The following DENND1A variants were observed in gnomAD, a reference collection of about 807,000 sequenced individuals.
The protein encoded by DENND1A is DENN domain-containing protein 1A.
Under a neutral mutation model 113.7 loss-of-function variants are expected in DENND1A, and 51 were observed. That is an observed-to-expected ratio of 0.45 (90% confidence interval 0.36 to 0.57). The LOEUF is 0.57. Among genes scored for constraint, DENND1A ranks in the 20% least tolerant of loss-of-function variants. The pLI is 0.00. For synonymous variants in DENND1A, 565 were observed against 570.8 expected (o/e 0.99, Z 0.14); for missense variants, 1,258 against 1,395.9 (o/e 0.90, Z 1.57).
intron 2 of DENND1A, among the ~76,000 whole-genome samples, chr9:123,866,973 ATCTT>A (rs1845875830): frequency 6.6e-6 from 1 of 152,216 alleles, no homozygotes; most frequent in Non-Finnish European, 1.5e-5. Context: ...ATCTGCATCT[ATCTT>A]CTCCTCAAAT....
intron 3 of DENND1A, among the ~76,000 whole-genome samples, chr9:123,774,553 AT>A (rs1307805993): frequency 2.0e-5 from 3 of 151,830 alleles, no homozygotes; most frequent in Non-Finnish European, 2.9e-5. Flanking sequence ...CCAAATTTTT[AT>A]TTTTTTTCAG....
chr9:123,729,802 A>G (rs1264992314), intron 5 of DENND1A, among the ~76,000 whole-genome samples: 1 of 152,164 alleles, frequency 6.6e-6, no homozygotes, highest in East Asian at 1.9e-4. Flanking sequence ...CATAGCCAAG[A>G]CAATCCTAAG....
intron 9 of DENND1A, among the ~76,000 whole-genome samples, chr9:123,636,569 G>A (rs1014661694): frequency 6.6e-5 from 10 of 150,704 alleles, no homozygotes; most frequent in South Asian, 2.1e-4. Flanking sequence ...CGCCCTCCTC[G>A]GCCTCCCAAA....
chr9:123,745,476 T>G (rs977471563), intron 5 of DENND1A, among the ~76,000 whole-genome samples: 2 of 152,240 alleles, frequency 1.3e-5, no homozygotes, highest in African/African-American at 4.8e-5. Context: ...ATGCACAGCT[T>G]GCAGAAGCAG....
chr9:123,498,673 G>C (rs1301787075), intron 13 of DENND1A, among the ~76,000 whole-genome samples: 1 of 152,052 alleles, frequency 6.6e-6, no homozygotes, highest in African/African-American at 2.4e-5. Flanking sequence ...GGCAAGTGTA[G>C]TCCCTTATTA....
intron 21 of DENND1A, among the ~76,000 whole-genome samples, chr9:123,388,658 C>T (rs1335377523): frequency 6.6e-6 from 1 of 152,212 alleles, no homozygotes; most frequent in Non-Finnish European, 1.5e-5. Context: ...CCTTGTCAGC[C>T]ACCTGTGAGC....
chr9:123,857,936 G>A (rs1335446324), intron 2 of DENND1A, among the ~76,000 whole-genome samples: 3 of 152,040 alleles, frequency 2.0e-5, no homozygotes, highest in African/African-American at 7.2e-5. Context: ...GCGGACGCCT[G>A]TAGTCCCAGC....
chr9:123,457,460 C>T (rs1038073154), intron 14 of DENND1A, 25 bp from the exon 15 acceptor site: 1 of 1,567,360 alleles, frequency 6.4e-7, no homozygotes, highest in Non-Finnish European at 8.8e-7. Flanking sequence ...AACAAAAGCA[C>T]AACAGCTCGT....
intron 4 of DENND1A, among the ~76,000 whole-genome samples, chr9:123,760,179 T>C (rs894520746): frequency 2.6e-5 from 4 of 152,250 alleles, no homozygotes; most frequent in African/African-American, 9.6e-5. Context: ...TATTACTTTA[T>C]AAATTATCAG....
intron 19 of DENND1A, among the ~76,000 whole-genome samples, chr9:123,412,085 C>G (rs949918886): frequency 6.6e-5 from 10 of 152,252 alleles, no homozygotes; most frequent in African/African-American, 2.4e-4. Context: ...CCACCATGCT[C>G]CACACAGGCT....
At chr9:123,666,493 T>A (rs2063498508) in intron 8 of DENND1A, among the ~76,000 whole-genome samples, 1 of 152,152 alleles carries the variant, frequency 6.6e-6, no homozygotes, top group African/African-American at 2.4e-5. Flanking sequence ...TATACAAAGG[T>A]AAAAAGTAGA....
chr9:123,546,333 G>T (rs931077400), intron 13 of DENND1A, among the ~76,000 whole-genome samples: 1 of 152,126 alleles, frequency 6.6e-6, no homozygotes, highest in African/African-American at 2.4e-5. Context: ...CAGATCACCA[G>T]GTCAGGAGAT....
chr9:123,572,397 C>T lies in DENND1A; in HGVS notation c.867+10772G>A, dbSNP rs573913924. On this transcript the variant is annotated intron_variant, in intron 12 of 23. Transcript: ENST00000394215. ...TGGTTTGGGTTGCTAAAAACATACA[C>T]ATACATACGTTTTCCTTTTCTTGGG... Among the ~76,000 whole-genome samples the T allele has an allele frequency of 2.0e-4, 30 of 152,294 alleles. 2 individuals carry two copies. The South Asian group carries it at 5.8e-3, about 29-fold the overall frequency.
intron 17 of DENND1A, among the ~76,000 whole-genome samples, chr9:123,452,055 G>A (rs1008572388): frequency 2.6e-5 from 4 of 151,090 alleles, no homozygotes; most frequent in South Asian, 2.1e-4. Context: ...AAAGCCAGGC[G>A]TGGTGGTGCA....
intron 2 of DENND1A, among the ~76,000 whole-genome samples, chr9:123,852,968 G>A (rs1422059377): frequency 1.3e-5 from 2 of 151,250 alleles, no homozygotes; most frequent in Non-Finnish European, 2.9e-5. Flanking sequence ...ACCCAGGCTA[G>A]AATGCAGTGG....
chr9:123,870,081 CA>C (rs1309684239), intron 2 of DENND1A, among the ~76,000 whole-genome samples: 1 of 150,444 alleles, frequency 6.6e-6, no homozygotes, highest in Non-Finnish European at 1.5e-5. Context: ...CTGGAAAATG[CA>C]AGATAAAAAA....
rs116191593 is a variant in DENND1A, at chr9:123,673,018, A to G, written c.373-1647T>C. Among the ~76,000 whole-genome samples, 327 of 152,326 alleles carry G rather than the reference A, an allele frequency of 2.1e-3. 1 individual carries two copies. The highest frequency in any genetic ancestry group is 7.5e-3 in the African/African-American group (313 of 41,574). Reference sequence around the variant, plus strand: ...ACCCTCTACTCATCCTCAGTCTGGAACAGCTCCTCAGTCTTTTCTAGATTT... The same window carrying G: ...ACCCTCTACTCATCCTCAGTCTGGAGCAGCTCCTCAGTCTTTTCTAGATTT... On this transcript the variant is annotated intron_variant, in intron 6 of 23. Transcript: ENST00000394215.
chr9:123,643,098 A>G (rs946215372), intron 9 of DENND1A, among the ~76,000 whole-genome samples: 3 of 152,102 alleles, frequency 2.0e-5, no homozygotes, highest in Non-Finnish European at 4.4e-5. Context: ...GAATACTGAA[A>G]CATCTCCTAA....
chr9:123,585,931 C>T (rs773210261), intron 11 of DENND1A, among the ~76,000 whole-genome samples: 9 of 152,168 alleles, frequency 5.9e-5, no homozygotes, highest in Non-Finnish European at 1.0e-4. Context: ...TGTAATAAAT[C>T]GTGGCTATTA....
Sources: gnomAD v4.1 joint callset for allele counts (sites outside exome capture counted in the v4.1 genomes callset) on GRCh38, gnomAD v4.1.1 for gene constraint, MANE v1.5 for transcripts, NCBI Gene and HGNC (gene_info 2026-07-23, HGNC 2026-07-21) for gene names.